The following BMPR1A variants were observed in gnomAD, a reference collection of about 807,000 sequenced individuals.
BMPR1A encodes the protein bone morphogenetic protein receptor type-1A.
In BMPR1A, 7 loss-of-function variants were observed where a neutral mutation model predicts 66.0. The ratio of observed to expected loss-of-function variants is 0.11; its 90% CI spans 0.06 to 0.20. BMPR1A has a LOEUF of 0.20. BMPR1A is among the 10% of genes least tolerant of loss of function. BMPR1A has a pLI of 1.00. For synonymous variants in BMPR1A, 200 were observed against 229.7 expected (o/e 0.87, Z 1.17); for missense variants, 408 against 669.1 (o/e 0.61, Z 4.31).
chr10:86,893,363 C>T (rs951183727), intron 5 of BMPR1A, among the ~76,000 whole-genome samples: 7 of 152,220 alleles, frequency 4.6e-5, no homozygotes, highest in African/African-American at 7.2e-5. Context: ...AACCTGATCT[C>T]TTCAAAATTC....
rs1030175001 is a variant in BMPR1A, at chr10:86,926,199, A to G, written c.*2480A>G. On this transcript the variant is annotated 3_prime_UTR_variant, in exon 13 of 13. Coordinates refer to ENST00000372037, the MANE Select transcript of BMPR1A (RefSeq NM_004329.3). ...TTTCTAGTATAACATGTTCTTTAAA[A>G]AGCAAATGCTGCCGTCTTTGGAATC... 1 of 161,746 alleles carries G rather than the reference A, an allele frequency of 6.2e-6. No homozygotes were observed. The highest frequency in any genetic ancestry group is 2.4e-5 in the African/African-American group (1 of 41,764). The allele number at this position is 161,746 out of a possible 1,614,324, so 10.0% of individuals were successfully genotyped here. A position where few individuals can be genotyped will look rare whatever the true frequency, so the allele number is the denominator to read the frequency against.
intron 1 of BMPR1A, among the ~76,000 whole-genome samples, chr10:86,771,830 T>A (rs1264961183): frequency 2.6e-5 from 4 of 152,276 alleles, no homozygotes; most frequent in South Asian, 4.1e-4. Context: ...GGTGTGAACA[T>A]GGCTCACTGT....
intron 2 of BMPR1A, chr10:86,855,893 T>C: frequency 1.5e-6 from 1 of 681,316 alleles, no homozygotes; most frequent in Non-Finnish European, 2.6e-6. Context: ...AGATTCATAT[T>C]GCTTTTCAAA....
At chr10:86,835,343 A>G (rs1589738665) in intron 1 of BMPR1A, among the ~76,000 whole-genome samples, 1 of 150,980 alleles carries the variant, frequency 6.6e-6, no homozygotes, top group East Asian at 1.9e-4. Flanking sequence ...AGGCGGGCGG[A>G]TCATGAGGTC....
Position 86,866,497 on chromosome 10 carries a change from C to G in BMPR1A, c.-152-9370C>G, listed in dbSNP as rs1009825232. On this transcript the variant is annotated intron_variant, in intron 2 of 12. Transcript: ENST00000372037. ...GATCTTGGCTCACTGCAATTTCTAC[C>G]TCCTGGGTTCAAGTGATTCTTCTGC... Among the ~76,000 whole-genome samples the G allele has an allele frequency of 1.6e-4, 23 of 144,000 alleles. No homozygotes were observed. In the East Asian group the frequency reaches 4.1e-3, roughly 26 times the overall value. 94.5% of individuals were successfully genotyped at this position (144,000 alleles called of 152,430 possible).
intron 1 of BMPR1A, among the ~76,000 whole-genome samples, chr10:86,790,798 G>T (rs912168387): frequency 1.3e-5 from 2 of 152,130 alleles, no homozygotes; most frequent in Non-Finnish European, 2.9e-5. Context: ...TAGTGTTGAT[G>T]GTTGCACAAC....
intron 1 of BMPR1A, among the ~76,000 whole-genome samples, chr10:86,833,551 A>G (rs1348226874): frequency 6.6e-6 from 1 of 152,154 alleles, no homozygotes; most frequent in Non-Finnish European, 1.5e-5. Context: ...AACTTCGGCA[A>G]TTGGGCACTT....
At chr10:86,800,430 T>C (rs1841795529) in intron 1 of BMPR1A, among the ~76,000 whole-genome samples, 1 of 152,230 alleles carries the variant, frequency 6.6e-6, no homozygotes, top group African/African-American at 2.4e-5. Flanking sequence ...GTTTCGCTCT[T>C]GTTGCCCAGG....
At chr10:86,810,987 T>A (rs1290327173) in intron 1 of BMPR1A, among the ~76,000 whole-genome samples, 2 of 152,210 alleles carry the variant, frequency 1.3e-5, no homozygotes, top group Non-Finnish European at 2.9e-5. Flanking sequence ...TCTCAGGTGA[T>A]CCACCCACCT....
chr10:86,867,987 G>A (rs1842806618), intron 2 of BMPR1A, among the ~76,000 whole-genome samples: 1 of 152,152 alleles, frequency 6.6e-6, no homozygotes, highest in South Asian at 2.1e-4. Context: ...AGGTAGAGTT[G>A]GAAAGTAATT....
chr10:86,815,359 C>G (rs1842021983), intron 1 of BMPR1A, among the ~76,000 whole-genome samples: 1 of 152,080 alleles, frequency 6.6e-6, no homozygotes, highest in South Asian at 2.1e-4. Flanking sequence ...TAATTTTCAG[C>G]AGTTTTTTTT....
Position 86,783,265 on chromosome 10 carries a change from T to A in BMPR1A, c.-268+26346T>A, listed in dbSNP as rs927110205. 2.0e-5 allele frequency among the ~76,000 whole-genome samples: 3 copies of A among 152,226 alleles called. No individual in the cohort carries two copies. The East Asian group carries it at 5.8e-4, about 29-fold the overall frequency. ...TGATCACTGTAGCTTTGTAACAAGT[T>A]TTGAAATCAGAAAGTGTGAAGCCTA... is the stretch of plus-strand genomic sequence containing the variant. On this transcript the variant is annotated intron_variant, in intron 1 of 12. Coordinates refer to ENST00000372037, the MANE Select transcript of BMPR1A (RefSeq NM_004329.3).
At chr10:86,915,695 C>T (rs1193579501) in intron 8 of BMPR1A, among the ~76,000 whole-genome samples, 1 of 152,112 alleles carries the variant, frequency 6.6e-6, no homozygotes, top group Non-Finnish European at 1.5e-5. Flanking sequence ...CCGCCGCACT[C>T]CAGCCTGAGC....
chr10:86,809,935 G>C (rs1048065204), intron 1 of BMPR1A, among the ~76,000 whole-genome samples: 6 of 151,372 alleles, frequency 4.0e-5, no homozygotes, highest in African/African-American at 1.5e-4. Context: ...CATATAGCAC[G>C]TATCAGTACT....
chr10:86,784,381 G>A (rs9988714), intron 1 of BMPR1A, among the ~76,000 whole-genome samples: 2,540 of 152,076 alleles, frequency 0.017, 74 homozygotes, highest in African/African-American at 0.058. Flanking sequence ...TCCTTCATTC[G>A]GTTAATGTGG....
intron 1 of BMPR1A, among the ~76,000 whole-genome samples, chr10:86,791,683 T>TCCTTCCTTCCACCCTCCCTCCCTC (rs1283624885): frequency 1.1e-5 from 1 of 89,708 alleles, no homozygotes; most frequent in African/African-American, 4.7e-5. Flanking sequence ...CTTCTTTACT[T>TCCTTCCTTCCACCCTCCCTCCCTC]CCTTCCTCCC....
At chr10:86,781,548 C>T (rs998847138) in intron 1 of BMPR1A, among the ~76,000 whole-genome samples, 6 of 152,018 alleles carry the variant, frequency 3.9e-5, no homozygotes, top group African/African-American at 4.8e-5. Flanking sequence ...TTTGTTTTTC[C>T]GTGAAGAATG....
intron 5 of BMPR1A, among the ~76,000 whole-genome samples, chr10:86,896,967 G>A (rs900346627): frequency 6.6e-6 from 1 of 152,176 alleles, no homozygotes; most frequent in African/African-American, 2.4e-5. Context: ...CCTTTCCCCA[G>A]TGTCTTCACG....
At position 86,912,404 on chromosome 10, in the gene BMPR1A, A is replaced by G. The variant is rs746319662; in HGVS notation, c.675+20A>G. The G allele has an allele frequency of 3.7e-6, 6 of 1,613,618 alleles. No homozygotes were observed. The highest frequency in any genetic ancestry group is 2.2e-5 in the South Asian group (2 of 91,074). On this transcript the variant is annotated intron_variant, in intron 8 of 12. Transcript: ENST00000372037. ...TTATTGGTAAGTTAAACGTTCCTAT[A>G]GACATGAATGGTGTGTTGATTTAGA...
Sources: allele counts gnomAD v4.1 joint callset (sites outside exome capture counted in the v4.1 genomes callset), GRCh38; gene constraint gnomAD v4.1.1; transcripts MANE v1.5; gene names NCBI Gene and HGNC (gene_info 2026-07-23, HGNC 2026-07-21).